GRIA4: variants seen among roughly 807,000 people sequenced by gnomAD.
The protein encoded by GRIA4 is glutamate ionotropic receptor AMPA type subunit 4.
GRIA4 carries 34 observed loss-of-function variants against 104.0 expected under a neutral mutation model. That is an observed-to-expected ratio of 0.33 (90% CI 0.25 to 0.44). The LOEUF (loss-of-function observed/expected upper bound fraction) is 0.44, where lower values mean the gene tolerates loss of function less well. Among genes scored for constraint, GRIA4 ranks in the 20% least tolerant of loss-of-function variants. The pLI is 1.00. For synonymous variants in GRIA4, 386 were observed against 381.9 expected (o/e 1.01, Z -0.13); for missense variants, 750 against 1,096.5 (o/e 0.68, Z 4.46).
At chr11:105,657,194 G>A (rs1262760361) in intron 3 of GRIA4, among the ~76,000 whole-genome samples, 3 of 151,866 alleles carry the variant, frequency 2.0e-5, no homozygotes, top group Non-Finnish European at 4.4e-5. Flanking sequence ...TCTACACTAA[G>A]AAAATAATTA....
At chr11:105,956,349 A>G (rs969423712) in intron 14 of GRIA4, among the ~76,000 whole-genome samples, 2 of 152,120 alleles carry the variant, frequency 1.3e-5, no homozygotes, top group Non-Finnish European at 2.9e-5. Context: ...ATGAGTGAGA[A>G]CATGTGGTGT....
intron 3 of GRIA4, among the ~76,000 whole-genome samples, chr11:105,746,042 T>C (rs1251137083): frequency 6.6e-6 from 1 of 152,148 alleles, no homozygotes; most frequent in Non-Finnish European, 1.5e-5. Flanking sequence ...CAATTATTGC[T>C]ATAATTATAA....
At chr11:105,971,722 A>G (rs568000542) in intron 14 of GRIA4, among the ~76,000 whole-genome samples, 192 bp from the exon 15 acceptor site, 28 of 152,254 alleles carry the variant, frequency 1.8e-4, no homozygotes, top group African/African-American at 6.0e-4. Flanking sequence ...CCCTAGCAGT[A>G]TGTGCCTGTT....
chr11:105,701,900 C>A (rs10895864), intron 3 of GRIA4, among the ~76,000 whole-genome samples: 69,065 of 151,926 alleles, frequency 0.45, 15,841 homozygotes, highest in East Asian at 0.58. Context: ...GATATTTGAT[C>A]ATAGTAATAT....
At chr11:105,788,979 C>T (rs1942095753) in intron 4 of GRIA4, among the ~76,000 whole-genome samples, 1 of 152,104 alleles carries the variant, frequency 6.6e-6, no homozygotes. Context: ...CCTTAAGCCA[C>T]AGGGAATTAG....
chr11:105,691,843 G>T lies in GRIA4; in HGVS notation c.248-61138G>T, dbSNP rs189554123. Among the ~76,000 whole-genome samples the T allele has an allele frequency of 3.5e-3, 518 of 149,938 alleles. 2 individuals carry two copies. Among genetic ancestry groups the T allele is most frequent in the Non-Finnish European group, 6.2e-3 (421 of 67,758 alleles). On this transcript the variant is annotated intron_variant, in intron 3 of 16. Transcript: ENST00000282499. ...CCAGCTACTTGGGAGGCTGAGGCAGGAGAGTTTCTTGAACCAGGGAGGCGG... is the reference window on the plus strand; with the variant it reads ...CCAGCTACTTGGGAGGCTGAGGCAGTAGAGTTTCTTGAACCAGGGAGGCGG...
At chr11:105,826,944 C>T (rs1943791102) in intron 4 of GRIA4, among the ~76,000 whole-genome samples, 1 of 151,990 alleles carries the variant, frequency 6.6e-6, no homozygotes, top group Admixed American at 6.6e-5. Context: ...AGTGGAGAAC[C>T]TTGTATAACC....
chr11:105,896,414 A>G (rs1423075107), intron 6 of GRIA4, among the ~76,000 whole-genome samples: 1 of 151,984 alleles, frequency 6.6e-6, no homozygotes, highest in Non-Finnish European at 1.5e-5. Flanking sequence ...GCTGTGCAGA[A>G]GCTCTTTAGT....
chr11:105,703,740 TGC>T (rs1953590446), intron 3 of GRIA4, among the ~76,000 whole-genome samples: 1 of 152,156 alleles, frequency 6.6e-6, no homozygotes, highest in Admixed American at 6.6e-5. Flanking sequence ...ATTTTTAATT[TGC>T]TAAACTGTCA....
intron 3 of GRIA4, among the ~76,000 whole-genome samples, chr11:105,710,383 C>G (rs984253708): frequency 2.0e-5 from 3 of 152,076 alleles, no homozygotes; most frequent in African/African-American, 4.8e-5. Flanking sequence ...AAAATGAGTT[C>G]TGTTCTCACA....
chr11:105,833,167 A>G (rs1944041240), intron 4 of GRIA4, among the ~76,000 whole-genome samples: 2 of 151,926 alleles, frequency 1.3e-5, no homozygotes, highest in South Asian at 4.1e-4. Context: ...TCACGCATAC[A>G]ACAGATCTTT....
chr11:105,610,874 T>TTTTTTTTTTTTTTG, intron 1 of GRIA4, 34 bp from the exon 2 acceptor site: 1 of 84,886 alleles, frequency 1.2e-5, no homozygotes, highest in Non-Finnish European at 2.3e-5. Context: ...TCTTTTCTTT[T>TTTTTTTTTTTTTTG]TTTTTTTTTT....
chr11:105,930,059 T>C (rs1204434532), intron 13 of GRIA4, among the ~76,000 whole-genome samples: 1 of 152,156 alleles, frequency 6.6e-6, no homozygotes, highest in East Asian at 1.9e-4. Flanking sequence ...GGGACTTAAA[T>C]GTTCCTTTAT....
intron 10 of GRIA4, chr11:105,912,451 TG>T: frequency 1.0e-6 from 1 of 962,152 alleles, no homozygotes; most frequent in Non-Finnish European, 1.2e-6. Flanking sequence ...TTTGCAAGCA[TG>T]GCTAGTTTTT....
chr11:105,859,272 A>T (rs900777918), intron 4 of GRIA4, among the ~76,000 whole-genome samples: 1 of 152,182 alleles, frequency 6.6e-6, no homozygotes, highest in Non-Finnish European at 1.5e-5. Context: ...CAAGCTCTGA[A>T]ACTATTACTG....
intron 3 of GRIA4, among the ~76,000 whole-genome samples, chr11:105,656,611 T>C (rs1307729743): frequency 6.6e-6 from 1 of 152,122 alleles, no homozygotes; most frequent in Non-Finnish European, 1.5e-5. Context: ...AAAAAAAATT[T>C]GCAATCTATT....
Position 105,813,732 on chromosome 11 carries a change from T to A in GRIA4, c.488-48292T>A, listed in dbSNP as rs150303469. Among the ~76,000 whole-genome samples the A allele has an allele frequency of 2.5e-3, 384 of 152,298 alleles. 4 individuals carry two copies. The highest frequency in any genetic ancestry group is 9.0e-3 in the African/African-American group (375 of 41,566). On this transcript the variant is annotated intron_variant, in intron 4 of 16. Transcript: ENST00000282499. The stretch of plus-strand genomic sequence containing the variant: ...GGTATAAAATAGGATTCCAGTAGTG[T>A]TCTTCTCTCCTCAGAAAGTGCTGAG...
intron 4 of GRIA4, among the ~76,000 whole-genome samples, chr11:105,852,572 T>C (rs1315302344): frequency 6.6e-6 from 1 of 152,136 alleles, no homozygotes; most frequent in Non-Finnish European, 1.5e-5. Context: ...TAGCATGCTG[T>C]TCAATAAATC....
At chr11:105,732,369 T>C (rs1938653603) in intron 3 of GRIA4, among the ~76,000 whole-genome samples, 1 of 152,140 alleles carries the variant, frequency 6.6e-6, no homozygotes, top group Non-Finnish European at 1.5e-5. Context: ...CATTAGAAGC[T>C]GCTGTTGTGT....
Sources: allele counts gnomAD v4.1 joint callset (sites outside exome capture counted in the v4.1 genomes callset), GRCh38; gene constraint gnomAD v4.1.1; transcripts MANE v1.5; gene names NCBI Gene and HGNC (gene_info 2026-07-23, HGNC 2026-07-21).